Variants in CPA6 observed in about 807,000 individuals in gnomAD.
The protein encoded by CPA6 is carboxypeptidase B.
A neutral mutation model predicts 63.3 loss-of-function variants in CPA6; 58 were observed. That is an observed-to-expected ratio of 0.92 (90% CI 0.74 to 1.14). CPA6 has a LOEUF of 1.14. CPA6 is among the 50% of genes most tolerant of loss of function. CPA6 has a pLI of 0.00. For synonymous variants in CPA6, 185 were observed against 179.0 expected, an observed-to-expected ratio of 1.03 and a Z score of -0.27; for missense variants, 565 against 526.6, an observed-to-expected ratio of 1.07 and a Z score of -0.71.
intron 6 of CPA6, among the ~76,000 whole-genome samples, chr8:67,493,546 T>C (rs1026599051): frequency 2.6e-4 from 39 of 152,314 alleles, no homozygotes; most frequent in African/African-American, 9.4e-4. Flanking sequence ...GAAAGTCTCC[T>C]ATTCTTATTT....
At chr8:67,467,776 G>A (rs978121941) in intron 8 of CPA6, among the ~76,000 whole-genome samples, 2 of 151,790 alleles carry the variant, frequency 1.3e-5, no homozygotes, top group African/African-American at 2.4e-5. Flanking sequence ...GCCGAGGGGG[G>A]CAAATCACTT....
intron 6 of CPA6, among the ~76,000 whole-genome samples, chr8:67,498,963 T>C (rs1587495265): frequency 6.6e-6 from 1 of 152,232 alleles, no homozygotes; most frequent in Non-Finnish European, 1.5e-5. Flanking sequence ...AGTTTTGTGG[T>C]ATATCTGGCA....
At chr8:67,653,081 T>A (rs549383692) in intron 1 of CPA6, among the ~76,000 whole-genome samples, 1 of 152,154 alleles carries the variant, frequency 6.6e-6, no homozygotes, top group South Asian at 2.1e-4. Flanking sequence ...GAGGGCTCTG[T>A]TGTGTTCCAT....
At chr8:67,446,334 T>A (rs1357034714) in intron 8 of CPA6, among the ~76,000 whole-genome samples, 2 of 152,074 alleles carry the variant, frequency 1.3e-5, no homozygotes, top group African/African-American at 4.8e-5. Context: ...TTCTTTTTTT[T>A]AAATAGAGAT....
intron 2 of CPA6, among the ~76,000 whole-genome samples, chr8:67,528,352 T>C (rs1017312081): frequency 6.6e-6 from 1 of 152,032 alleles, no homozygotes; most frequent in African/African-American, 2.4e-5. Flanking sequence ...GCTGGTTGGG[T>C]CAGGGATAGA....
chr8:67,444,949 A>C (rs1269934535), intron 8 of CPA6, among the ~76,000 whole-genome samples: 1 of 152,170 alleles, frequency 6.6e-6, no homozygotes, highest in Admixed American at 6.5e-5. Flanking sequence ...CAGGGACTTG[A>C]TGTTTCAAGG....
intron 1 of CPA6, among the ~76,000 whole-genome samples, chr8:67,634,660 G>A (rs1815428004): frequency 1.3e-5 from 2 of 151,456 alleles, no homozygotes; most frequent in Admixed American, 6.6e-5. Flanking sequence ...TAAATTGAGG[G>A]GAAGGACCAA....
At chr8:67,667,961 CG>C (rs1816266378) in intron 1 of CPA6, among the ~76,000 whole-genome samples, 1 of 152,194 alleles carries the variant, frequency 6.6e-6, no homozygotes, top group African/African-American at 2.4e-5. Context: ...GCAGTAGCCA[CG>C]GCCACACATC....
intron 9 of CPA6, among the ~76,000 whole-genome samples, chr8:67,430,131 A>ATGTGTGTGTG (rs58059553): frequency 2.6e-4 from 34 of 128,668 alleles, no homozygotes; most frequent in Middle Eastern, 4.0e-3. Flanking sequence ...GTATATATAT[A>ATGTGTGTGTG]TGTGTGTGTG....
chr8:67,704,337 C>A (rs571991970), intron 1 of CPA6, among the ~76,000 whole-genome samples: 23 of 152,182 alleles, frequency 1.5e-4, no homozygotes, highest in Non-Finnish European at 3.1e-4. Context: ...GGAAGTCCAG[C>A]CCCTTGTAGC....
intron 2 of CPA6, among the ~76,000 whole-genome samples, chr8:67,577,717 G>C (rs754910603): frequency 2.0e-5 from 3 of 152,158 alleles, no homozygotes; most frequent in Non-Finnish European, 4.4e-5. Context: ...TTCCGTAAGA[G>C]AGTAACTCAC....
chr8:67,563,149 A>G (rs1813255529), intron 2 of CPA6, among the ~76,000 whole-genome samples: 1 of 152,088 alleles, frequency 6.6e-6, no homozygotes, highest in Admixed American at 6.5e-5. Context: ...AGGGCCAAAT[A>G]GGATGTGACA....
intron 2 of CPA6, among the ~76,000 whole-genome samples, chr8:67,528,037 C>G (rs1291847825): frequency 6.6e-6 from 1 of 152,192 alleles, no homozygotes; most frequent in Non-Finnish European, 1.5e-5. Flanking sequence ...CCCACCTCCC[C>G]CAACATGCTT....
intron 2 of CPA6, among the ~76,000 whole-genome samples, chr8:67,564,467 C>T (rs145083545): frequency 6.6e-6 from 1 of 150,598 alleles, no homozygotes; most frequent in Non-Finnish European, 1.5e-5. Context: ...AAGGTGTTAG[C>T]TTATTTAATT....
intron 6 of CPA6, among the ~76,000 whole-genome samples, chr8:67,504,474 C>G (rs1811889454): frequency 6.6e-6 from 1 of 152,190 alleles, no homozygotes. Context: ...CATCTGGGGC[C>G]TGTTTTCTCT....
At chr8:67,542,923 T>A (rs1392041231) in intron 2 of CPA6, among the ~76,000 whole-genome samples, 1 of 152,196 alleles carries the variant, frequency 6.6e-6, no homozygotes, top group Non-Finnish European at 1.5e-5. Flanking sequence ...CCATCACCCC[T>A]TTCCATCAAA....
rs1486867730 is a variant in CPA6, at chr8:67,746,208, C to T, written c.-79G>A. 9.6e-6 allele frequency: 9 copies of T among 937,190 alleles called. No homozygotes were observed. Among genetic ancestry groups the T allele is most frequent in the Admixed American group, 2.3e-5 (1 of 43,794 alleles). 58.1% of individuals were successfully genotyped at this position (937,190 alleles called of 1,614,324 possible). A position where few individuals can be genotyped will look rare whatever the true frequency, so the allele number is the denominator to read the frequency against. ...GGTGGCTCACAGCACCCTCTACACACCGCACAGGTTCTCCGGGAAGGGGGT... is the reference window on the plus strand; with the variant it reads ...GGTGGCTCACAGCACCCTCTACACATCGCACAGGTTCTCCGGGAAGGGGGT... On this transcript the variant is annotated 5_prime_UTR_variant, in exon 1 of 11. The change creates a new upstream start codon in the 5' untranslated region. Transcript: ENST00000297770.
At chr8:67,579,006 A>G (rs1405016417) in intron 2 of CPA6, among the ~76,000 whole-genome samples, 2 of 152,250 alleles carry the variant, frequency 1.3e-5, no homozygotes, top group Non-Finnish European at 2.9e-5. Flanking sequence ...CTGACCAGAC[A>G]AGCCTACCAC....
chr8:67,713,099 G>GTGTGTGTGTGTGTA (rs1328463977), intron 1 of CPA6, among the ~76,000 whole-genome samples: 32 of 55,024 alleles, frequency 5.8e-4, no homozygotes, highest in African/African-American at 2.1e-3. Flanking sequence ...GTGTGTGTGT[G>GTGTGTGTGTGTGTA]TATATATATA....
Sources: gnomAD v4.1 joint callset for allele counts (sites outside exome capture counted in the v4.1 genomes callset) on GRCh38, gnomAD v4.1.1 for gene constraint, MANE v1.5 for transcripts, NCBI Gene and HGNC (gene_info 2026-07-23, HGNC 2026-07-21) for gene names.